Variants in NEK1 observed in about 807,000 individuals in gnomAD.
The protein encoded by NEK1 is serine/threonine-protein kinase Nek1.
NEK1 carries 137 observed loss-of-function variants against 182.1 expected under a neutral mutation model. The ratio of observed to expected loss-of-function variants is 0.75; its 90% CI spans 0.65 to 0.87. The LOEUF (loss-of-function observed/expected upper bound fraction) is 0.87, where lower values mean the gene tolerates loss of function less well. Ranked by LOEUF, NEK1 falls within the 40% of genes least tolerant of loss-of-function variation. The pLI, the probability that NEK1 is intolerant of heterozygous loss-of-function variation, is 0.00. For missense variants in NEK1, 1,391 were observed against 1,494.4 expected (o/e 0.93, Z 1.14); for synonymous variants, 513 against 492.2 (o/e 1.04, Z -0.56).
intron 16 of NEK1, among the ~76,000 whole-genome samples, chr4:169,560,737 T>C (rs139319456): frequency 5.3e-5 from 8 of 151,210 alleles, no homozygotes; most frequent in Middle Eastern, 3.4e-3. Context: ...GAAATTACTA[T>C]AGAAGCCCTT....
intron 26 of NEK1, among the ~76,000 whole-genome samples, chr4:169,471,878 C>T (rs996137525): frequency 6.6e-6 from 1 of 152,108 alleles, no homozygotes; most frequent in Non-Finnish European, 1.5e-5. Context: ...GCGGCTTTGC[C>T]ATGCTGTGTT....
intron 12 of NEK1, among the ~76,000 whole-genome samples, chr4:169,575,919 A>T (rs12512274): frequency 0.9 from 136,585 of 151,822 alleles, 61,739 homozygotes; most frequent in East Asian, 0.97. Flanking sequence ...TAAAAAAAAA[A>T]TTTTTTTACA....
At chr4:169,599,523 G>GT (rs1770121327) in intron 4 of NEK1, among the ~76,000 whole-genome samples, 1 of 152,092 alleles carries the variant, frequency 6.6e-6, no homozygotes, top group Admixed American at 6.5e-5. Context: ...TTCCTTAAAT[G>GT]TCACACATAA....
chr4:169,563,215 A>T (rs1763189821), intron 12 of NEK1, among the ~76,000 whole-genome samples: 1 of 151,976 alleles, frequency 6.6e-6, no homozygotes, highest in African/African-American at 2.4e-5. Flanking sequence ...TTTAAAAATT[A>T]GCCAGGCATG....
intron 18 of NEK1, among the ~76,000 whole-genome samples, chr4:169,552,675 T>A (rs557086487): frequency 6.6e-6 from 1 of 152,168 alleles, no homozygotes; most frequent in East Asian, 1.9e-4. Flanking sequence ...GATGACATGA[T>A]TGTCTATGTA....
In NEK1 at chr4:169,577,068, C is replaced by CT; in HGVS notation, c.879dup (p.Ala294SerfsTer21). 6.2e-7 allele frequency: 1 copy of CT among 1,613,586 alleles called. No homozygotes were observed. Among genetic ancestry groups the CT allele is most frequent in the Non-Finnish European group, 8.5e-7 (1 of 1,179,722 alleles). ...ACAGAAATCGAGTTTTGTCCTGAAG[C>CT]TGGTCTTTTAGCTAGATGAAAAGAT... On this transcript the variant is annotated frameshift_variant, in exon 12 of 36. Transcript: ENST00000507142. LOFTEE classifies it high-confidence loss of function.
chr4:169,592,784 C>T (rs1470152845), intron 5 of NEK1, among the ~76,000 whole-genome samples: 4 of 151,428 alleles, frequency 2.6e-5, no homozygotes, highest in African/African-American at 7.3e-5. Context: ...TCTATACTCA[C>T]GTAAGGCATT....
rs532539036 is a variant in NEK1 at position 169,454,067 on chromosome 4, C to T, written c.2587+9176G>A. 2.0e-3 allele frequency among the ~76,000 whole-genome samples: 307 copies of T among 152,222 alleles called. 1 individual carries two copies. Among genetic ancestry groups the T allele is most frequent in the African/African-American group, 4.2e-3 (174 of 41,546 alleles). On this transcript the variant is annotated intron_variant, in intron 27 of 35. Transcript: ENST00000507142. Reference sequence around the variant, plus strand: ...TGATCTTTAACAAACCTGACAAAAACGAGAAATGGGGAAAGGATTCCCTAT... The same window carrying T: ...TGATCTTTAACAAACCTGACAAAAATGAGAAATGGGGAAAGGATTCCCTAT...
chr4:169,552,866 G>T (rs2149893920), intron 18 of NEK1, among the ~76,000 whole-genome samples: 1 of 152,136 alleles, frequency 6.6e-6, no homozygotes, highest in African/African-American at 2.4e-5. Flanking sequence ...TAATACATAG[G>T]TTACAAATCT....
At chr4:169,566,584 A>AG (rs1195993335) in intron 12 of NEK1, among the ~76,000 whole-genome samples, 1 of 152,224 alleles carries the variant, frequency 6.6e-6, no homozygotes, top group Non-Finnish European at 1.5e-5. Context: ...AGCAAAAAAA[A>AG]GTCTCACAAT....
rs374598155 is a variant in NEK1, at chr4:169,424,649, T to C, written c.3126A>G (p.Ala1042=). 22 of 1,613,618 alleles carry C rather than the reference T, an allele frequency of 1.4e-5. No homozygotes were observed. Among genetic ancestry groups the C allele is most frequent in the Non-Finnish European group, 1.9e-5 (22 of 1,179,730 alleles). ...SVQCSPEESF[A]FRSHSHLPPK... is the part of the protein sequence containing the mutation. ...GTGGTAAATGCGAGTGAGATCGAAA[T>C]GCAAAGGATTCTTCTGGTGAACACT... Residue 1042 remains alanine, a synonymous_variant, in exon 31 of 36, where the codon GCA becomes GCG. Transcript: ENST00000507142.
intron 19 of NEK1, among the ~76,000 whole-genome samples, chr4:169,522,659 T>C (rs75589929): frequency 0.011 from 1,713 of 152,346 alleles, 20 homozygotes; most frequent in Non-Finnish European, 0.018. Flanking sequence ...TGGAAGTTGC[T>C]TCTCTGGGCT....
At chr4:169,591,685 A>T (rs1309849741) in intron 5 of NEK1, among the ~76,000 whole-genome samples, 1 of 152,162 alleles carries the variant, frequency 6.6e-6, no homozygotes, top group Non-Finnish European at 1.5e-5. Context: ...AACTAAAAAA[A>T]AATAATAAAA....
chr4:169,491,394 G>A lies in NEK1; in HGVS notation c.2008-11860C>T, dbSNP rs527569388. Among the ~76,000 whole-genome samples, 169 of 152,148 alleles carry A rather than the reference G, an allele frequency of 1.1e-3. 1 individual carries two copies. Among genetic ancestry groups the A allele is most frequent in the Non-Finnish European group, 2.2e-3 (147 of 68,010 alleles). On this transcript the variant is annotated intron_variant, in intron 23 of 35. Coordinates refer to ENST00000507142, the MANE Select transcript of NEK1 (RefSeq NM_001199397.3). ...GCATCAAGCAACATACAAGGGGCTC[G>A]CCATTAGACTATCAGCAGATTTCTC...
At chr4:169,564,730 T>A (rs1763416167) in intron 12 of NEK1, among the ~76,000 whole-genome samples, 1 of 152,158 alleles carries the variant, frequency 6.6e-6, no homozygotes, top group Non-Finnish European at 1.5e-5. Flanking sequence ...CTATTTTACT[T>A]CAATGAATAT....
At chr4:169,399,507 G>A (rs1436196413) in intron 35 of NEK1, among the ~76,000 whole-genome samples, 1 of 151,876 alleles carries the variant, frequency 6.6e-6, no homozygotes, top group Non-Finnish European at 1.5e-5. Flanking sequence ...AGCCCAGGGG[G>A]TGGAGGTTGC....
chr4:169,405,015 C>A (rs1030015711), intron 32 of NEK1, among the ~76,000 whole-genome samples: 7 of 152,150 alleles, frequency 4.6e-5, no homozygotes, highest in Non-Finnish European at 8.8e-5. Flanking sequence ...GACCTGCTAA[C>A]TCCCCATTGG....
At chr4:169,466,701 TAAAG>T (rs1321412690) in intron 26 of NEK1, among the ~76,000 whole-genome samples, 1 of 152,044 alleles carries the variant, frequency 6.6e-6, no homozygotes, top group Non-Finnish European at 1.5e-5. Context: ...CAAAAAATCT[TAAAG>T]GAAGTCCTTC....
intron 29 of NEK1, among the ~76,000 whole-genome samples, chr4:169,429,718 C>T (rs981171187): frequency 6.6e-6 from 1 of 152,148 alleles, no homozygotes; most frequent in African/African-American, 2.4e-5. Context: ...TACCATCTGT[C>T]ATTTTATCGA....
Sources: gnomAD v4.1 joint callset for allele counts (sites outside exome capture counted in the v4.1 genomes callset) on GRCh38, gnomAD v4.1.1 for gene constraint, MANE v1.5 for transcripts, NCBI Gene and HGNC (gene_info 2026-07-23, HGNC 2026-07-21) for gene names.